Variants in FABP1 observed in about 807,000 individuals in gnomAD.
FABP1 encodes the protein fatty acid binding protein 1.
Under a neutral mutation model 13.7 loss-of-function variants are expected in FABP1, and 13 were observed. That is an observed-to-expected ratio of 0.95 (90% confidence interval 0.62 to 1.51). FABP1 has a LOEUF of 1.51. Among genes scored for constraint, FABP1 ranks in the 40% most tolerant of loss-of-function variants. The pLI is 0.00. For missense variants in FABP1, 140 were observed against 155.7 expected, an observed-to-expected ratio of 0.90 and a Z score of 0.54; for synonymous variants, 48 against 59.8, an observed-to-expected ratio of 0.80 and a Z score of 0.91.
intron 2 of FABP1, 92 bp downstream of exon 2, chr2:88,126,084 T>G: frequency 1.5e-6 from 2 of 1,350,924 alleles, no homozygotes; most frequent in South Asian, 2.8e-5. Flanking sequence ...ATGGTATCTG[T>G]GGGTGGAATT....
rs775591386 is a variant in FABP1, at chr2:88,123,033, T to C, written c.*21A>G. 3.8e-6 allele frequency: 6 copies of C among 1,592,868 alleles called. No homozygotes were observed. In the African/African-American group the frequency reaches 8.1e-5, roughly 22 times the overall value. On this transcript the variant is annotated 3_prime_UTR_variant, in exon 4 of 4. Transcript: ENST00000295834. ...ATTACATTAATTTTACACACTAAAA[T>C]AATATGAAATGCAGACTTGTTTAAA...
chr2:88,125,152 G>A (rs189621192), intron 2 of FABP1, among the ~76,000 whole-genome samples: 2 of 151,982 alleles, frequency 1.3e-5, no homozygotes, highest in Admixed American at 1.3e-4. Flanking sequence ...TTCATATTGT[G>A]GCCTCCTTCC....
At chr2:88,127,774 T>C (rs1222743996) in intron 1 of FABP1, among the ~76,000 whole-genome samples, 177 bp downstream of exon 1, 1 of 152,196 alleles carries the variant, frequency 6.6e-6, no homozygotes, top group Non-Finnish European at 1.5e-5. Context: ...GGGGTGGCCT[T>C]GTGCAGTGAG....
chr2:88,126,504 T>A, intron 1 of FABP1, 156 bp from the exon 2 acceptor site: 1 of 712,894 alleles, frequency 1.4e-6, no homozygotes, highest in South Asian at 1.9e-5. Flanking sequence ...GTCAGCAGCA[T>A]CGGCTGTGGC....
At chr2:88,126,618 G>A (rs959447406) in intron 1 of FABP1, 4 of 341,402 alleles carry the variant, frequency 1.2e-5, no homozygotes, top group African/African-American at 2.0e-5. Flanking sequence ...CCTCTTGTAA[G>A]CACCCTGGTT....
At chr2:88,124,255 G>T (rs1675255631) in intron 3 of FABP1, 2 of 467,952 alleles carry the variant, frequency 4.3e-6, no homozygotes, top group Admixed American at 8.7e-5. Flanking sequence ...TGCAGGGCAG[G>T]TGGAGGCCTC....
intron 3 of FABP1, 95 bp downstream of exon 3, chr2:88,124,399 G>T: frequency 1.2e-6 from 1 of 815,760 alleles, no homozygotes; most frequent in Non-Finnish European, 2.0e-6. Flanking sequence ...GAGGGTGGAG[G>T]GGTGGCATTA....
intron 3 of FABP1, chr2:88,123,346 C>G (rs1675238441): frequency 3.8e-6 from 2 of 521,386 alleles, no homozygotes; most frequent in Non-Finnish European, 6.8e-6. Flanking sequence ...CTGCCTTTGA[C>G]TGAATTCTTT....
In FABP1 at chr2:88,123,092, C is replaced by T. The variant is rs1282263144; in HGVS notation, c.346G>A (p.Gly116Ser). 1 of 1,610,988 alleles carries T rather than the reference C, an allele frequency of 6.2e-7. No homozygotes were observed. Among genetic ancestry groups the T allele is most frequent in the Middle Eastern group, 1.7e-4 (1 of 6,050 alleles). ...GDIITNTMTL[G>S]DIVFKRISKR... ...CTGATTCTCTTGAAGACAATGTCAC[C>T]CAATGTCATGGTCTGAAAGCCAGAA... Residue 116 changes from glycine (G) to serine (S), a missense_variant, in exon 4 of 4, where the codon GGT becomes AGT. Coordinates refer to ENST00000295834, the MANE Select transcript of FABP1 (RefSeq NM_001443.3).
chr2:88,123,036 T>C lies in FABP1; in HGVS notation c.*18A>G, dbSNP rs934917928. The C allele has an allele frequency of 1.3e-6, 2 of 1,596,386 alleles. No homozygotes were observed. The highest frequency in any genetic ancestry group is 1.7e-6 in the Non-Finnish European group (2 of 1,169,876). ...ACATTAATTTTACACACTAAAATAA[T>C]ATGAAATGCAGACTTGTTTAAATTC... On this transcript the variant is annotated 3_prime_UTR_variant, in exon 4 of 4. Transcript: ENST00000295834.
At chr2:88,124,320 G>A in intron 3 of FABP1, 174 bp downstream of exon 3, 2 of 555,198 alleles carry the variant, frequency 3.6e-6, no homozygotes, top group Non-Finnish European at 6.3e-6. Flanking sequence ...TGTGTAAACT[G>A]CCTGGGACAT....
chr2:88,128,018 G>C lies in FABP1; in HGVS notation c.-1C>G, dbSNP rs1675332520. ...GTTGGTACTTGCCGGAGAAACTCAT[G>C]GTGGCAATAGAGCTCCCTCTTCACG... On this transcript the variant is annotated 5_prime_UTR_variant, in exon 1 of 4. Transcript: ENST00000295834. 1.9e-6 allele frequency: 3 copies of C among 1,614,068 alleles called. No homozygotes were observed. Among genetic ancestry groups the C allele is most frequent in the Non-Finnish European group, 2.5e-6 (3 of 1,180,020 alleles).
Position 88,124,533 on chromosome 2 carries a change from G to T in FABP1, c.294C>A (p.Ile98=). The change falls in exon 3 of 4, where the codon ATC becomes ATA. Residue 98 remains isoleucine (I), a synonymous_variant. Transcript: ENST00000295834. ...DNKLVTTFKN[I]KSVTELNGDI... ...CGCCGTTGAGTTCGGTCACAGACTT[G>T]ATGTTTTTGAAAGTTGTCACCAGTT... is the stretch of plus-strand genomic sequence containing the variant. 1 of 1,611,474 alleles carries T rather than the reference G, an allele frequency of 6.2e-7. No individual in the cohort carries two copies. The highest frequency in any genetic ancestry group is 8.5e-7 in the Non-Finnish European group (1 of 1,178,882).
intron 2 of FABP1, 88 bp from the exon 3 acceptor site, chr2:88,124,674 C>A: frequency 1.1e-6 from 1 of 882,452 alleles, no homozygotes. Flanking sequence ...GCACAGGTCT[C>A]AGCTCATAAC....
At position 88,128,047 on chromosome 2, in the gene FABP1, G is replaced by A; in HGVS notation, c.-30C>T. The A allele has an allele frequency of 1.9e-6, 3 of 1,609,842 alleles. No individual in the cohort carries two copies. The South Asian group carries it at 3.3e-5, about 18-fold the overall frequency. On this transcript the variant is annotated 5_prime_UTR_variant, in exon 1 of 4. Coordinates refer to ENST00000295834, the MANE Select transcript of FABP1 (RefSeq NM_001443.3). The stretch of plus-strand genomic sequence containing the variant: ...GCAATAGAGCTCCCTCTTCACGACT[G>A]ACCTGCGGCTCTGCCGACCAGACTG...
intron 1 of FABP1, chr2:88,126,726 A>G: frequency 5.6e-6 from 1 of 178,858 alleles, no homozygotes; most frequent in Non-Finnish European, 1.2e-5. Context: ...CAGAGAGTTG[A>G]TCTTCCAAGC....
chr2:88,125,562 G>A (rs1251950983), intron 2 of FABP1, among the ~76,000 whole-genome samples: 2 of 152,308 alleles, frequency 1.3e-5, no homozygotes, highest in South Asian at 2.1e-4. Flanking sequence ...CACACCATGA[G>A]TTGTGCCCAG....
intron 3 of FABP1, chr2:88,123,992 G>C (rs1303043554): frequency 6.5e-6 from 1 of 152,946 alleles, no homozygotes; most frequent in African/African-American, 2.4e-5. Context: ...AGCGCCCTGA[G>C]GCAGTGTTCT....
chr2:88,127,160 C>T (rs1203703383), intron 1 of FABP1, among the ~76,000 whole-genome samples: 1 of 152,118 alleles, frequency 6.6e-6, no homozygotes, highest in Non-Finnish European at 1.5e-5. Context: ...CTGGAGCATG[C>T]TCCCTGCCCC....
Sources: gnomAD v4.1 joint callset for allele counts (sites outside exome capture counted in the v4.1 genomes callset) on GRCh38, gnomAD v4.1.1 for gene constraint, MANE v1.5 for transcripts, NCBI Gene and HGNC (gene_info 2026-07-23, HGNC 2026-07-21) for gene names.